The following LEP variants were observed in gnomAD, a reference collection of about 807,000 sequenced individuals.
The protein encoded by LEP is leptin.
A neutral mutation model predicts 9.8 loss-of-function variants in LEP; 6 were observed. That is an observed-to-expected ratio of 0.61 (90% CI 0.34 to 1.21). The LOEUF (loss-of-function observed/expected upper bound fraction) is 1.21, where lower values mean the gene tolerates loss of function less well. Ranked by LOEUF, LEP falls within the 50% of genes most tolerant of loss-of-function variation. LEP has a pLI of 0.04. For synonymous variants in LEP, 112 were observed against 81.7 expected, an observed-to-expected ratio of 1.37 and a Z score of -2.00; for missense variants, 134 against 198.1, an observed-to-expected ratio of 0.68 and a Z score of 1.94.
intron 2 of LEP, 42 bp from the exon 3 acceptor site, chr7:128,254,361 TC>T (rs1489321286): frequency 1.2e-6 from 2 of 1,607,590 alleles, no homozygotes. Flanking sequence ...GAGCGATTCC[TC>T]CCACATGCTG....
chr7:128,249,401 G>A (rs958938825), intron 1 of LEP, among the ~76,000 whole-genome samples: 8 of 152,204 alleles, frequency 5.3e-5, no homozygotes, highest in Non-Finnish European at 1.0e-4. Flanking sequence ...GGTTCAAGAT[G>A]GTGCTAGAAT....
intron 1 of LEP, among the ~76,000 whole-genome samples, chr7:128,244,810 T>C (rs1353742021): frequency 1.3e-5 from 2 of 152,098 alleles, no homozygotes. Context: ...TGAGGCCAAA[T>C]GTGGCTACCC....
chr7:128,241,995 T>G (rs1385644054), intron 1 of LEP, among the ~76,000 whole-genome samples: 1 of 152,220 alleles, frequency 6.6e-6, no homozygotes, highest in African/African-American at 2.4e-5. Context: ...TTAGGGAACT[T>G]CTAGCCAGGA....
Position 128,245,928 on chromosome 7 carries a change from G to C in LEP, c.-29+4622G>C, listed in dbSNP as rs558751063. 5.9e-5 allele frequency among the ~76,000 whole-genome samples: 9 copies of C among 152,122 alleles called. 1 individual carries two copies. The highest frequency in any genetic ancestry group is 4.6e-4 in the Admixed American group (7 of 15,266). On this transcript the variant is annotated intron_variant, in intron 1 of 2. Transcript: ENST00000308868. ...AATACAAAAATTAGCCAGGTGCGGT[G>C]GTGGGCGCCTGTATTTCCAGCTACC...
Position 128,254,835 on chromosome 7 carries a change from A to G in LEP, c.*72A>G. 1 of 1,511,130 alleles carries G rather than the reference A, an allele frequency of 6.6e-7. No individual in the cohort carries two copies. The highest frequency in any genetic ancestry group is 9.0e-7 in the Non-Finnish European group (1 of 1,105,452). The allele number at this position is 1,511,130 out of a possible 1,614,324, so 93.6% of individuals were successfully genotyped here. A position where few individuals can be genotyped will look rare whatever the true frequency, so the allele number is the denominator to read the frequency against. ...ACTCTGGCTTCCAGGTATCTCCAGG[A>G]TTGAAGAGCATTGCATGGACACCCC... On this transcript the variant is annotated 3_prime_UTR_variant, in exon 3 of 3. Transcript: ENST00000308868.
intron 1 of LEP, among the ~76,000 whole-genome samples, chr7:128,250,238 G>A (rs1795258660): frequency 6.6e-6 from 1 of 152,184 alleles, no homozygotes; most frequent in Admixed American, 6.5e-5. Context: ...AACATTTGGT[G>A]TATTATTCAG....
rs771248039 is a variant in LEP at position 128,247,243 on chromosome 7, G to A, written c.-28-4748G>A. Among the ~76,000 whole-genome samples, 4 of 152,100 alleles carry A rather than the reference G, an allele frequency of 2.6e-5. 1 individual carries two copies. The highest frequency in any genetic ancestry group is 2.0e-4 in the Admixed American group (3 of 15,270). ...TGCTCTCCTGCCACAGCTGCAGCGG[G>A]CCCCTGGGTCCTACATTTGCAGCCC... On this transcript the variant is annotated intron_variant, in intron 1 of 2. Coordinates refer to ENST00000308868, the MANE Select transcript of LEP (RefSeq NM_000230.3).
chr7:128,242,710 G>A (rs914775166), intron 1 of LEP, among the ~76,000 whole-genome samples: 5 of 152,118 alleles, frequency 3.3e-5, no homozygotes, highest in African/African-American at 7.2e-5. Flanking sequence ...TTTCCTCCCC[G>A]TCCATTCCAG....
intron 1 of LEP, among the ~76,000 whole-genome samples, chr7:128,243,495 A>T (rs1174944508): frequency 6.6e-6 from 1 of 152,156 alleles, no homozygotes; most frequent in Non-Finnish European, 1.5e-5. Context: ...CACGGGCGGG[A>T]GTATCCAGGG....
intron 1 of LEP, among the ~76,000 whole-genome samples, chr7:128,244,085 T>C (rs1035032308): frequency 7.3e-5 from 2 of 27,546 alleles, no homozygotes; most frequent in African/African-American, 1.9e-4. Context: ...CCCATCTCTA[T>C]TAAAAAAAAA....
rs57653562 is a variant in LEP at position 128,257,268 on chromosome 7, T to TA, written c.*2521dup. Reference sequence around the variant, plus strand: ...TAAATGGTTGTCTGTTTTTGTAACTTAAAAAAAAAAAAAAAAGTTTGGCCG... The same window carrying TA: ...TAAATGGTTGTCTGTTTTTGTAACTTAAAAAAAAAAAAAAAAAGTTTGGCCG... On this transcript the variant is annotated 3_prime_UTR_variant, in exon 3 of 3. Coordinates refer to ENST00000308868, the MANE Select transcript of LEP (RefSeq NM_000230.3). 8.9e-3 allele frequency: 1,212 copies of TA among 136,448 alleles called. 10 individuals carry two copies. Among genetic ancestry groups the TA allele is most frequent in the African/African-American group, 0.025 (912 of 37,160 alleles). The allele number at this position is 136,448 out of a possible 1,614,324, so 8.5% of individuals were successfully genotyped here.
chr7:128,252,551 G>C (rs1795288027), intron 2 of LEP, among the ~76,000 whole-genome samples: 2 of 142,438 alleles, frequency 1.4e-5, no homozygotes. Flanking sequence ...GCAGCATAGG[G>C]AGACCCCATC....
intron 1 of LEP, among the ~76,000 whole-genome samples, chr7:128,247,356 G>A (rs1052768273): frequency 2.0e-5 from 3 of 152,164 alleles, no homozygotes; most frequent in African/African-American, 7.2e-5. Flanking sequence ...ATCAGCAGGA[G>A]CCCAACCACC....
At chr7:128,244,784 A>G (rs1795192667) in intron 1 of LEP, among the ~76,000 whole-genome samples, 1 of 152,172 alleles carries the variant, frequency 6.6e-6, no homozygotes, top group South Asian at 2.1e-4. Flanking sequence ...GGTCTCTCTC[A>G]GCTGTTCCAT....
At position 128,248,329 on chromosome 7, in the gene LEP, G is replaced by A. The variant is rs369973417; in HGVS notation, c.-28-3662G>A. Among the ~76,000 whole-genome samples, 170 of 152,298 alleles carry A rather than the reference G, an allele frequency of 1.1e-3. 2 individuals carry two copies. The highest frequency in any genetic ancestry group is 0.011 in the South Asian group (51 of 4,828). The stretch of plus-strand genomic sequence containing the variant: ...CACCTGTAATCCCAGCTACTTGGGA[G>A]GCTGAGGCAGGAAAATGGCTTGAAC... On this transcript the variant is annotated intron_variant, in intron 1 of 2. Coordinates refer to ENST00000308868, the MANE Select transcript of LEP (RefSeq NM_000230.3).
intron 1 of LEP, among the ~76,000 whole-genome samples, chr7:128,250,700 C>T (rs1206514298): frequency 2.0e-5 from 3 of 152,062 alleles, no homozygotes; most frequent in Non-Finnish European, 4.4e-5. Context: ...ACTAATATTG[C>T]CATCTATGGA....
Position 128,255,525 on chromosome 7 carries a change from A to G in LEP, c.*762A>G, listed in dbSNP as rs1161938516. The G allele has an allele frequency of 6.6e-6, 1 of 152,156 alleles. No homozygotes were observed. The allele number at this position is 152,156 out of a possible 1,614,324, so 9.4% of individuals were successfully genotyped here. A position where few individuals can be genotyped will look rare whatever the true frequency, so the allele number is the denominator to read the frequency against. ...CAGTGTTTGCAATGGTGTTGCCCTG[A>G]GTGGATCTCCAAGGACCAGGTTATT... On this transcript the variant is annotated 3_prime_UTR_variant, in exon 3 of 3. Coordinates refer to ENST00000308868, the MANE Select transcript of LEP (RefSeq NM_000230.3).
Position 128,255,610 on chromosome 7 carries a change from T to G in LEP, c.*847T>G, listed in dbSNP as rs202039764. ...GGTGTCTGCACCCAGGGGTGGGGAA[T>G]GTTTGGGCAGAAGGGAGAAGGATCT... On this transcript the variant is annotated 3_prime_UTR_variant, in exon 3 of 3. Coordinates refer to ENST00000308868, the MANE Select transcript of LEP (RefSeq NM_000230.3). The G allele has an allele frequency of 2.0e-5, 3 of 152,226 alleles. No individual in the cohort carries two copies. Among genetic ancestry groups the G allele is most frequent in the Non-Finnish European group, 2.9e-5 (2 of 68,040 alleles). The allele number at this position is 152,226 out of a possible 1,614,324, so 9.4% of individuals were successfully genotyped here.
chr7:128,244,159 G>A (rs1795183482), intron 1 of LEP, among the ~76,000 whole-genome samples: 1 of 152,120 alleles, frequency 6.6e-6, no homozygotes, highest in African/African-American at 2.4e-5. Flanking sequence ...TGAGAGGTGG[G>A]AGAATTGCTT....
Sources: allele counts gnomAD v4.1 joint callset (sites outside exome capture counted in the v4.1 genomes callset), GRCh38; gene constraint gnomAD v4.1.1; transcripts MANE v1.5; gene names NCBI Gene and HGNC (gene_info 2026-07-23, HGNC 2026-07-21).